Variants in CHST9 observed in about 807,000 individuals in gnomAD.
CHST9 encodes the protein GalNAc-4-sulfotransferase 2.
In CHST9, 41 loss-of-function variants were observed where a neutral mutation model predicts 44.4. That is an observed-to-expected ratio of 0.92 (90% CI 0.72 to 1.20). CHST9 has a LOEUF of 1.20. CHST9 is among the 50% of genes most tolerant of loss of function. The pLI is 0.00. For synonymous variants in CHST9, 171 were observed against 178.4 expected (o/e 0.96, Z 0.33); for missense variants, 504 against 516.5 (o/e 0.98, Z 0.23).
At chr18:27,130,744 A>G in intron 2 of CHST9, among the ~76,000 whole-genome samples, 1 of 152,238 alleles carries the variant, frequency 6.6e-6, no homozygotes, top group East Asian at 1.9e-4. Context: ...GCTTATTCAT[A>G]TAATGAAATA....
At chr18:27,092,924 G>C (rs1372941570) in intron 2 of CHST9, among the ~76,000 whole-genome samples, 2 of 152,230 alleles carry the variant, frequency 1.3e-5, no homozygotes, top group African/African-American at 4.8e-5. Context: ...ATATTCTGTT[G>C]ATTTGGGGTG....
intron 5 of CHST9, chr18:26,935,841 A>G: frequency 6.6e-6 from 1 of 152,158 alleles, no homozygotes; most frequent in East Asian, 1.9e-4. Context: ...AATTTTCACT[A>G]TTTGTCCGCA....
intron 2 of CHST9, among the ~76,000 whole-genome samples, chr18:27,061,654 G>C (rs1012330470): frequency 1.3e-5 from 2 of 152,096 alleles, no homozygotes; most frequent in African/African-American, 4.8e-5. Flanking sequence ...TCCAAGGCCC[G>C]AGGAGTGTTC....
rs2055475433 is a variant in CHST9, at chr18:26,913,908, T to A, written c.*2351A>T. 3 of 152,206 alleles carry A rather than the reference T, an allele frequency of 2.0e-5. No individual in the cohort carries two copies. Among genetic ancestry groups the A allele is most frequent in the Admixed American group, 2.0e-4 (3 of 15,268 alleles). 9.4% of individuals were successfully genotyped at this position (152,206 alleles called of 1,614,324 possible). A position where few individuals can be genotyped will look rare whatever the true frequency, so the allele number is the denominator to read the frequency against. ...GGTCCTAACATGAAAATAAGCCATC[T>A]AAAATGAAGAGCAGGTACATAAAAA... On this transcript the variant is annotated 3_prime_UTR_variant, in exon 6 of 6. Transcript: ENST00000618847.
At chr18:26,980,445 G>A (rs1351180424) in intron 4 of CHST9, among the ~76,000 whole-genome samples, 1 of 152,114 alleles carries the variant, frequency 6.6e-6, no homozygotes, top group Non-Finnish European at 1.5e-5. Flanking sequence ...TGAGAGAGAT[G>A]AGGAGACTAC....
intron 5 of CHST9, among the ~76,000 whole-genome samples, chr18:26,930,511 G>C (rs769332387): frequency 5.9e-5 from 9 of 152,102 alleles, no homozygotes; most frequent in Non-Finnish European, 1.0e-4. Context: ...TTATTTTTTA[G>C]AATATTATTT....
intron 5 of CHST9, chr18:26,933,041 C>G (rs1415594413): frequency 6.5e-6 from 1 of 153,730 alleles, no homozygotes; most frequent in Non-Finnish European, 1.5e-5. Flanking sequence ...GTTGCCCGCC[C>G]TGAACTGTTT....
In CHST9 at chr18:27,121,287, G is replaced by A. The variant is rs188420512; in HGVS notation, c.121+21402C>T. 3.3e-5 allele frequency among the ~76,000 whole-genome samples: 5 copies of A among 152,270 alleles called. No homozygotes were observed. The East Asian group carries it at 9.7e-4, about 29-fold the overall frequency. On this transcript the variant is annotated intron_variant, in intron 2 of 5. Transcript: ENST00000618847. ...TCAAAAGTGTTGGGATTCCAGGCAT[G>A]AGTCACCATGCCTGGCATCAGCTAC...
intron 1 of CHST9, 155 bp from the exon 2 acceptor site, chr18:27,143,060 G>C (rs1325427835): frequency 3.7e-6 from 1 of 270,590 alleles, no homozygotes; most frequent in Non-Finnish European, 6.9e-6. Context: ...TCCTAGAATG[G>C]CAATTTTCTA....
At chr18:27,077,098 C>G (rs1382896956) in intron 2 of CHST9, among the ~76,000 whole-genome samples, 2 of 152,066 alleles carry the variant, frequency 1.3e-5, no homozygotes, top group South Asian at 2.1e-4. Flanking sequence ...TTTAACCCAC[C>G]AAGATAGAGT....
At chr18:27,062,574 G>A (rs1389914019) in intron 2 of CHST9, among the ~76,000 whole-genome samples, 1 of 152,110 alleles carries the variant, frequency 6.6e-6, no homozygotes, top group East Asian at 1.9e-4. Flanking sequence ...TGGACATTTG[G>A]GTTGGTTCCA....
chr18:26,951,265 T>G (rs988833502), intron 4 of CHST9, among the ~76,000 whole-genome samples: 11 of 152,230 alleles, frequency 7.2e-5, no homozygotes, highest in Non-Finnish European at 1.2e-4. Context: ...CTGCCTCAAA[T>G]TCTCCAAACT....
At chr18:27,102,076 G>A (rs2058177979) in intron 2 of CHST9, among the ~76,000 whole-genome samples, 1 of 152,168 alleles carries the variant, frequency 6.6e-6, no homozygotes. Context: ...CCAGGGTTAT[G>A]TTTTGTGTTT....
chr18:26,931,095 A>T (rs1177586676), intron 5 of CHST9, among the ~76,000 whole-genome samples: 3 of 152,184 alleles, frequency 2.0e-5, no homozygotes, highest in Non-Finnish European at 4.4e-5. Context: ...ATGCTCTTTT[A>T]CATTGAGATG....
chr18:27,005,712 G>C (rs1296559321), intron 4 of CHST9, among the ~76,000 whole-genome samples: 1 of 152,098 alleles, frequency 6.6e-6, no homozygotes, highest in African/African-American at 2.4e-5. Flanking sequence ...GTTTCCATGG[G>C]GGAAGGGGCA....
chr18:27,112,938 C>A (rs1364205160), intron 2 of CHST9, among the ~76,000 whole-genome samples: 1 of 152,060 alleles, frequency 6.6e-6, no homozygotes, highest in Non-Finnish European at 1.5e-5. Context: ...GCCTGTAATC[C>A]CAGCACTTTG....
intron 4 of CHST9, among the ~76,000 whole-genome samples, chr18:26,999,829 T>C (rs1458898475): frequency 6.6e-6 from 1 of 152,134 alleles, no homozygotes; most frequent in Non-Finnish European, 1.5e-5. Flanking sequence ...TTAAGGGAAG[T>C]CTATGGATAA....
chr18:27,158,339 G>A (rs1261875950), intron 1 of CHST9, among the ~76,000 whole-genome samples: 1 of 150,670 alleles, frequency 6.6e-6, no homozygotes, highest in African/African-American at 2.4e-5. Context: ...CCACCTATGA[G>A]TAAGAACATG....
intron 2 of CHST9, among the ~76,000 whole-genome samples, chr18:27,084,100 C>CTT (rs558859375): frequency 4.2e-5 from 6 of 142,756 alleles, no homozygotes; most frequent in African/African-American, 1.0e-4. Context: ...CCCAAAGTTG[C>CTT]TTTTTTTTTT....
Sources: allele counts gnomAD v4.1 joint callset (sites outside exome capture counted in the v4.1 genomes callset), GRCh38; gene constraint gnomAD v4.1.1; transcripts MANE v1.5; gene names NCBI Gene and HGNC (gene_info 2026-07-23, HGNC 2026-07-21).